The following AOAH variants were observed in gnomAD, a reference collection of about 807,000 sequenced individuals.
The protein encoded by AOAH is acyloxyacyl hydrolase, also known as acyloxyacyl hydrolase (neutrophil).
In AOAH, 64 loss-of-function variants were observed where a neutral mutation model predicts 92.2. The observed-to-expected ratio is 0.69, with a 90% CI of 0.57 to 0.86. The LOEUF (loss-of-function observed/expected upper bound fraction) is 0.86, where lower values mean the gene tolerates loss of function less well. AOAH is among the 40% of genes least tolerant of loss of function. The probability of loss-of-function intolerance (pLI) is 0.00; values close to 1 mark genes in which losing one functional copy is unlikely to be tolerated. For synonymous variants in AOAH, 263 were observed against 254.5 expected, an observed-to-expected ratio of 1.03 and a Z score of -0.32; for missense variants, 656 against 694.6, an observed-to-expected ratio of 0.94 and a Z score of 0.62.
chr7:36,649,906 G>A (rs1205784958), intron 4 of AOAH, among the ~76,000 whole-genome samples: 4 of 152,208 alleles, frequency 2.6e-5, no homozygotes, highest in Admixed American at 6.5e-5. Flanking sequence ...TTCCTGCATG[G>A]CTAAATGCCT....
At chr7:36,594,520 G>T in intron 11 of AOAH, 90 bp from the exon 12 acceptor site, 2 of 1,077,462 alleles carry the variant, frequency 1.9e-6, no homozygotes, top group Non-Finnish European at 2.8e-6. Flanking sequence ...GTTGCTCTCT[G>T]TGTGTCTGTT....
At chr7:36,555,624 T>C (rs960034859) in intron 13 of AOAH, among the ~76,000 whole-genome samples, 3 of 152,058 alleles carry the variant, frequency 2.0e-5, no homozygotes, top group African/African-American at 7.3e-5. Context: ...CTGGACTCTT[T>C]TTGGTTGGTA....
At chr7:36,688,550 G>A (rs918593552) in intron 1 of AOAH, among the ~76,000 whole-genome samples, 6 of 152,136 alleles carry the variant, frequency 3.9e-5, no homozygotes, top group Admixed American at 2.6e-4. Flanking sequence ...ATAAGAGGGT[G>A]CAGTATGGTG....
At chr7:36,621,186 T>C (rs1328176523) in intron 8 of AOAH, among the ~76,000 whole-genome samples, 1 of 152,268 alleles carries the variant, frequency 6.6e-6, no homozygotes, top group East Asian at 1.9e-4. Context: ...AACTGGTTTA[T>C]TTAATGCTTT....
chr7:36,549,168 A>G (rs1786013742), intron 14 of AOAH, among the ~76,000 whole-genome samples: 1 of 152,184 alleles, frequency 6.6e-6, no homozygotes, highest in Non-Finnish European at 1.5e-5. Flanking sequence ...ATGTTTTCTC[A>G]TTCATAAAGC....
At chr7:36,641,854 G>A (rs758721730) in intron 4 of AOAH, among the ~76,000 whole-genome samples, 2 of 152,182 alleles carry the variant, frequency 1.3e-5, no homozygotes, top group Non-Finnish European at 2.9e-5. Flanking sequence ...ATGAGAAAAT[G>A]TCTGAAAAAT....
intron 13 of AOAH, among the ~76,000 whole-genome samples, chr7:36,566,764 C>T (rs1384005429): frequency 6.6e-6 from 1 of 152,170 alleles, no homozygotes; most frequent in Non-Finnish European, 1.5e-5. Context: ...TCCAGGACCA[C>T]TTGACTAGTA....
intron 1 of AOAH, among the ~76,000 whole-genome samples, chr7:36,698,992 C>T (rs1375279590): frequency 1.3e-5 from 2 of 149,248 alleles, no homozygotes; most frequent in African/African-American, 2.5e-5. Context: ...CTGCTAACCA[C>T]TACTACTCTA....
chr7:36,663,862 C>T (rs922719695), intron 3 of AOAH, among the ~76,000 whole-genome samples: 3 of 152,006 alleles, frequency 2.0e-5, no homozygotes, highest in African/African-American at 7.3e-5. Context: ...TATTTTGTTT[C>T]ATAAGAAACT....
At chr7:36,670,619 C>A (rs1372222167) in intron 3 of AOAH, among the ~76,000 whole-genome samples, 3 of 152,060 alleles carry the variant, frequency 2.0e-5, no homozygotes, top group Non-Finnish European at 2.9e-5. Flanking sequence ...GGACTACAGG[C>A]GCGCGCCACC....
chr7:36,713,289 A>G (rs1361732022), intron 1 of AOAH, among the ~76,000 whole-genome samples: 3 of 141,768 alleles, frequency 2.1e-5, no homozygotes, highest in Non-Finnish European at 4.6e-5. Context: ...TATCCTAAAT[A>G]TATATGCACC....
chr7:36,543,834 G>A (rs1170997826), intron 15 of AOAH, among the ~76,000 whole-genome samples: 4 of 152,104 alleles, frequency 2.6e-5, no homozygotes, highest in Middle Eastern at 3.2e-3. Context: ...GTAAGGGCAA[G>A]GGAGTCTATG....
At chr7:36,584,438 A>G (rs7806528) in intron 12 of AOAH, among the ~76,000 whole-genome samples, 21,998 of 152,180 alleles carry the variant, frequency 0.14, 2,296 homozygotes, top group African/African-American at 0.29. Context: ...GGGTTGCAAA[A>G]TTACATCATT....
chr7:36,613,429 T>TGG (rs1374995921), intron 11 of AOAH, among the ~76,000 whole-genome samples: 32 of 152,208 alleles, frequency 2.1e-4, no homozygotes, highest in Non-Finnish European at 8.8e-5. Context: ...TGGCACGTAG[T>TGG]GGGGGTTGTG....
chr7:36,655,769 G>A (rs1008286375), intron 4 of AOAH, among the ~76,000 whole-genome samples: 2 of 152,158 alleles, frequency 1.3e-5, no homozygotes, highest in African/African-American at 4.8e-5. Context: ...CTTGGTATGT[G>A]TGAGGCACCG....
chr7:36,659,349 C>G, intron 3 of AOAH, 84 bp from the exon 4 acceptor site: 2 of 1,149,264 alleles, frequency 1.7e-6, no homozygotes, highest in East Asian at 2.4e-5. Context: ...AAGGTAAATC[C>G]CCAGAATGGA....
intron 1 of AOAH, among the ~76,000 whole-genome samples, chr7:36,695,077 TC>T (rs1797632372): frequency 6.6e-6 from 1 of 151,892 alleles, no homozygotes; most frequent in Non-Finnish European, 1.5e-5. Flanking sequence ...CGCAATTGTT[TC>T]ATTGACTGTC....
intron 19 of AOAH, among the ~76,000 whole-genome samples, chr7:36,526,489 TAC>T (rs1376814403): frequency 6.6e-6 from 1 of 152,226 alleles, no homozygotes; most frequent in Admixed American, 6.5e-5. Flanking sequence ...CACTGGTCTT[TAC>T]TTTTTCCTTG....
chr7:36,687,769 C>G (rs1225927503), intron 1 of AOAH, among the ~76,000 whole-genome samples: 1 of 152,148 alleles, frequency 6.6e-6, no homozygotes. Flanking sequence ...ATGCAAGGAG[C>G]TAGAGACCCA....
Sources: allele counts gnomAD v4.1 joint callset (sites outside exome capture counted in the v4.1 genomes callset), GRCh38; gene constraint gnomAD v4.1.1; transcripts MANE v1.5; gene names NCBI Gene and HGNC (gene_info 2026-07-23, HGNC 2026-07-21).